Variants in MIPEP observed in about 807,000 individuals in gnomAD.
MIPEP encodes the protein mitochondrial intermediate peptidase.
MIPEP carries 79 observed loss-of-function variants against 90.3 expected under a neutral mutation model. That is an observed-to-expected ratio of 0.87 (90% CI 0.73 to 1.05). The LOEUF is 1.05. MIPEP is among the 50% of genes least tolerant of loss of function. MIPEP has a pLI of 0.00. For synonymous variants in MIPEP, 334 were observed against 315.8 expected, an observed-to-expected ratio of 1.06 and a Z score of -0.61; for missense variants, 940 against 905.6, an observed-to-expected ratio of 1.04 and a Z score of -0.49.
At chr13:23,861,918 G>T (rs932568452) in intron 9 of MIPEP, among the ~76,000 whole-genome samples, 1 of 152,160 alleles carries the variant, frequency 6.6e-6, no homozygotes, top group Non-Finnish European at 1.5e-5. Context: ...TAACAAATAA[G>T]CAAATGAACT....
chr13:23,808,822 A>C (rs12428855), intron 15 of MIPEP, among the ~76,000 whole-genome samples: 57,228 of 152,118 alleles, frequency 0.38, 11,488 homozygotes, highest in Admixed American at 0.51. Flanking sequence ...TCCTTCACTG[A>C]AACATGTATT....
chr13:23,856,904 T>C (rs1019886991), intron 10 of MIPEP, among the ~76,000 whole-genome samples: 38 of 152,210 alleles, frequency 2.5e-4, no homozygotes, highest in African/African-American at 8.7e-4. Context: ...GAATACCTGA[T>C]AAAAATGAGA....
chr13:23,791,799 T>C (rs1476024039), intron 16 of MIPEP, among the ~76,000 whole-genome samples: 1 of 152,150 alleles, frequency 6.6e-6, no homozygotes, highest in Non-Finnish European at 1.5e-5. Context: ...CAGAAGTGCC[T>C]CTACTCACTG....
chr13:23,821,396 T>C (rs1237085535), intron 14 of MIPEP, among the ~76,000 whole-genome samples: 1 of 152,202 alleles, frequency 6.6e-6, no homozygotes, highest in Non-Finnish European at 1.5e-5. Flanking sequence ...CAGATTTTTT[T>C]TTGTCACTAT....
intron 14 of MIPEP, among the ~76,000 whole-genome samples, chr13:23,828,580 A>G (rs2137439972): frequency 6.6e-6 from 1 of 152,344 alleles, no homozygotes; most frequent in Middle Eastern, 3.4e-3. Flanking sequence ...ATCAAAAAGG[A>G]AGGGCATCCA....
At position 23,736,992 on chromosome 13, in the gene MIPEP, A is replaced by T. The variant is rs1386766531; in HGVS notation, c.2045-6547T>A. Among the ~76,000 whole-genome samples the T allele has an allele frequency of 2.6e-5, 4 of 152,334 alleles. No homozygotes were observed. In the East Asian group the frequency reaches 7.7e-4, roughly 29 times the overall value. ...TTGCCTCATGCCCCGAAATTCTGTC[A>T]AATACATTCTAAAAAGGTTTATATT... On this transcript the variant is annotated intron_variant, in intron 18 of 18. Coordinates refer to ENST00000382172, the MANE Select transcript of MIPEP (RefSeq NM_005932.4).
intron 18 of MIPEP, among the ~76,000 whole-genome samples, chr13:23,754,961 C>A (rs919385166): frequency 6.6e-6 from 1 of 152,196 alleles, no homozygotes; most frequent in Admixed American, 6.5e-5. Flanking sequence ...GCCTGAGGTC[C>A]TGGTTCAATC....
At chr13:23,845,856 T>C (rs946852379) in intron 10 of MIPEP, among the ~76,000 whole-genome samples, 1 of 152,146 alleles carries the variant, frequency 6.6e-6, no homozygotes, top group Non-Finnish European at 1.5e-5. Context: ...TTTCTAATAA[T>C]TTGATATATT....
rs74824543 is a variant in MIPEP at position 23,743,351 on chromosome 13, T to C, written c.2045-12906A>G. On this transcript the variant is annotated intron_variant, in intron 18 of 18. Coordinates refer to ENST00000382172, the MANE Select transcript of MIPEP (RefSeq NM_005932.4). ...GTCTCTCCCAAGCCTAGGGCAACTG[T>C]ATGGCTCACCATCTTGACTTTGAAG... is the stretch of plus-strand genomic sequence containing the variant. 2.1e-3 allele frequency among the ~76,000 whole-genome samples: 319 copies of C among 152,384 alleles called. 2 individuals are homozygous for C. The highest frequency in any genetic ancestry group is 7.1e-3 in the African/African-American group (296 of 41,598).
At chr13:23,776,303 A>G (rs1281096128) in intron 16 of MIPEP, among the ~76,000 whole-genome samples, 1 of 152,102 alleles carries the variant, frequency 6.6e-6, no homozygotes, top group East Asian at 1.9e-4. Flanking sequence ...TTCTGTTCCA[A>G]GTTCCCTATC....
intron 14 of MIPEP, among the ~76,000 whole-genome samples, chr13:23,812,757 A>G (rs922517712): frequency 1.3e-5 from 2 of 152,346 alleles, no homozygotes; most frequent in Admixed American, 1.3e-4. Context: ...ACCTCTCTGC[A>G]TTTTTGTTTT....
chr13:23,837,883 A>G (rs1869127340), intron 12 of MIPEP, 127 bp from the exon 13 acceptor site: 2 of 651,656 alleles, frequency 3.1e-6, no homozygotes, highest in African/African-American at 3.6e-5. Flanking sequence ...TTATATTCTT[A>G]TTCTATCTAT....
In MIPEP at chr13:23,882,466, T is replaced by C. The variant is rs80134042; in HGVS notation, c.364-679A>G. Reference sequence around the variant, plus strand: ...AGAAAACAAAGGCACGGTCTCTTCATAGTCCTTTCAATAAAATATGAGTTC... The same window carrying C: ...AGAAAACAAAGGCACGGTCTCTTCACAGTCCTTTCAATAAAATATGAGTTC... On this transcript the variant is annotated intron_variant, in intron 2 of 18. Transcript: ENST00000382172. Among the ~76,000 whole-genome samples, 1,199 of 152,326 alleles carry C rather than the reference T, an allele frequency of 7.9e-3. 15 individuals are homozygous for C. Among genetic ancestry groups the C allele is most frequent in the African/African-American group, 0.027 (1,133 of 41,568 alleles).
intron 16 of MIPEP, among the ~76,000 whole-genome samples, chr13:23,784,772 G>A (rs1303477076): frequency 6.6e-6 from 1 of 152,120 alleles, no homozygotes; most frequent in Non-Finnish European, 1.5e-5. Context: ...GATCTACAAA[G>A]AACTCAAACA....
chr13:23,866,039 C>T (rs1046171812), intron 7 of MIPEP, among the ~76,000 whole-genome samples: 2 of 152,134 alleles, frequency 1.3e-5, no homozygotes, highest in Admixed American at 6.5e-5. Context: ...CTAAGTGCCT[C>T]ACCGCAGTTA....
chr13:23,884,887 A>C (rs1871409918), intron 2 of MIPEP, among the ~76,000 whole-genome samples: 1 of 152,200 alleles, frequency 6.6e-6, no homozygotes, highest in Non-Finnish European at 1.5e-5. Context: ...AATGATCACT[A>C]TTTAAATTGT....
chr13:23,827,005 G>T (rs1373661561), intron 14 of MIPEP, among the ~76,000 whole-genome samples: 4 of 152,112 alleles, frequency 2.6e-5, no homozygotes, highest in African/African-American at 9.7e-5. Flanking sequence ...CATTGTGTTA[G>T]GTATTATAAG....
intron 16 of MIPEP, among the ~76,000 whole-genome samples, chr13:23,764,667 C>T (rs1022972468): frequency 2.0e-5 from 3 of 151,910 alleles, no homozygotes; most frequent in Non-Finnish European, 4.4e-5. Flanking sequence ...CAAGTAGCCT[C>T]AGACCTCAGC....
chr13:23,879,087 A>C (rs773429529), intron 4 of MIPEP, among the ~76,000 whole-genome samples, 181 bp downstream of exon 4: 13 of 152,198 alleles, frequency 8.5e-5, no homozygotes, highest in Non-Finnish European at 1.8e-4. Context: ...GACCCTGTGC[A>C]AAGATTTTGG....
Sources: allele counts gnomAD v4.1 joint callset (sites outside exome capture counted in the v4.1 genomes callset), GRCh38; gene constraint gnomAD v4.1.1; transcripts MANE v1.5; gene names NCBI Gene and HGNC (gene_info 2026-07-23, HGNC 2026-07-21).